The following GNAS variants were observed in gnomAD, a reference collection of about 807,000 sequenced individuals.
GNAS encodes the protein protein ALEX.
A neutral mutation model predicts 54.5 loss-of-function variants in GNAS; 8 were observed. The ratio of observed to expected loss-of-function variants is 0.15; its 90% confidence interval spans 0.09 to 0.26. The LOEUF (loss-of-function observed/expected upper bound fraction) is 0.26, where lower values mean the gene tolerates loss of function less well. Among genes scored for constraint, GNAS ranks in the 10% least tolerant of loss-of-function variants. The pLI, the probability that GNAS is intolerant of heterozygous loss-of-function variation, is 1.00. For synonymous variants in GNAS, 204 were observed against 191.4 expected (o/e 1.07, Z -0.54); for missense variants, 170 against 529.8 (o/e 0.32, Z 6.67).
chr20:58,879,131 G>A (rs949986586), intron 1 of GNAS, among the ~76,000 whole-genome samples: 8 of 152,186 alleles, frequency 5.3e-5, no homozygotes, highest in East Asian at 3.9e-4. Flanking sequence ...TGATTGTAAC[G>A]TCGGAAGAAT....
chr20:58,870,982 G>A (rs917905899), intron 1 of GNAS, among the ~76,000 whole-genome samples: 1 of 152,204 alleles, frequency 6.6e-6, no homozygotes, highest in Admixed American at 6.5e-5. Flanking sequence ...TGTATGCATA[G>A]TTTTGAGAGG....
chr20:58,906,820 G>A (rs561811587), intron 6 of GNAS, among the ~76,000 whole-genome samples: 3 of 152,250 alleles, frequency 2.0e-5, no homozygotes, highest in East Asian at 1.9e-4. Context: ...ATGAGCCACC[G>A]TGCCCAGCCA....
At chr20:58,845,578 A>G (rs1052699967) in intron 1 of GNAS, among the ~76,000 whole-genome samples, 27 of 152,158 alleles carry the variant, frequency 1.8e-4, no homozygotes, top group African/African-American at 5.8e-4. Flanking sequence ...TAAGTGATGT[A>G]GCACCCATTT....
chr20:58,892,753 G>A (rs1368216363), intron 1 of GNAS, among the ~76,000 whole-genome samples: 1 of 151,712 alleles, frequency 6.6e-6, no homozygotes, highest in Non-Finnish European at 1.5e-5. Context: ...GATAGAGTTA[G>A]TACGAGAAGT....
At chr20:58,859,083 C>A (rs529227312) in intron 1 of GNAS, among the ~76,000 whole-genome samples, 2 of 152,198 alleles carry the variant, frequency 1.3e-5, no homozygotes, top group African/African-American at 4.8e-5. Context: ...TGGTTTTAAG[C>A]AAAAAGAATT....
intron 1 of GNAS, chr20:58,892,196 C>T (rs1172335762): frequency 2.0e-6 from 2 of 976,660 alleles, no homozygotes; most frequent in Non-Finnish European, 1.2e-6. Context: ...GCCTACACGA[C>T]GCCAGGGGTT....
chr20:58,868,549 CAAG>C (rs1463056128), intron 1 of GNAS, among the ~76,000 whole-genome samples: 1 of 151,692 alleles, frequency 6.6e-6, no homozygotes, highest in Non-Finnish European at 1.5e-5. Context: ...CTGCTCGCCA[CAAG>C]AAGGTGAGAG....
chr20:58,899,354 T>G, intron 3 of GNAS: 1 of 510,956 alleles, frequency 2.0e-6, no homozygotes, highest in Non-Finnish European at 3.7e-6. Flanking sequence ...AAATTCCATC[T>G]ACCCACTGGT....
In GNAS at chr20:58,891,500, G is replaced by C. The variant is rs936129591; in HGVS notation, c.-227G>C. On this transcript the variant is annotated 5_prime_UTR_variant, in exon 1 of 13. Coordinates refer to ENST00000371085, the MANE Select transcript of GNAS (RefSeq NM_000516.7). ...CCCCCTCGGCCTCGGCTCGAGGGGC[G>C]GGGAGCTGCGCGCGCCCCTCGGTCC... 2 of 970,904 alleles carry C rather than the reference G, an allele frequency of 2.1e-6. No homozygotes were observed. Among genetic ancestry groups the C allele is most frequent in the African/African-American group, 3.6e-5 (2 of 55,994 alleles). 60.1% of individuals were successfully genotyped at this position (970,904 alleles called of 1,614,324 possible). A position where few individuals can be genotyped will look rare whatever the true frequency, so the allele number is the denominator to read the frequency against.
chr20:58,879,660 G>A (rs890630032), intron 1 of GNAS, among the ~76,000 whole-genome samples: 23 of 152,172 alleles, frequency 1.5e-4, no homozygotes, highest in African/African-American at 4.8e-4. Context: ...CAAGGTGTGG[G>A]GGTCTCGCTT....
chr20:58,853,114 C>A lies in GNAS; in HGVS notation c.43+12228C>A, dbSNP rs536898938. On this transcript the variant is annotated intron_variant, in intron 1 of 12. Coordinates refer to the GNAS transcript ENST00000306090. This position sits in a 1 kb window ranked among gnomAD's most constrained non-coding sequence, Gnocchi z 4.4. ...AGGGTTCCTTCCAGGCCTTGAACCC[C>A]CCAACCTCACAAGGGTTGGAAAGTG... 1 of 1,426,140 alleles carries A rather than the reference C, an allele frequency of 7.0e-7. No homozygotes were observed. The highest frequency in any genetic ancestry group is 9.1e-7 in the Non-Finnish European group (1 of 1,095,960). 88.3% of individuals were successfully genotyped at this position (1,426,140 alleles called of 1,614,324 possible).
chr20:58,900,765 GA>G (rs772450869), intron 3 of GNAS, among the ~76,000 whole-genome samples: 22 of 152,166 alleles, frequency 1.4e-4, no homozygotes, highest in Non-Finnish European at 2.4e-4. Flanking sequence ...TAGTAAAAGT[GA>G]TGATAAACCC....
chr20:58,900,407 G>C (rs1201092078), intron 3 of GNAS: 7 of 208,214 alleles, frequency 3.4e-5, no homozygotes, highest in Non-Finnish European at 6.8e-5. Context: ...GCATGTTTCA[G>C]CAATCCCTGT....
chr20:58,845,934 CTG>C (rs2085925019), intron 1 of GNAS, among the ~76,000 whole-genome samples: 1 of 152,192 alleles, frequency 6.6e-6, no homozygotes, highest in Non-Finnish European at 1.5e-5. Flanking sequence ...TGGGCATAGC[CTG>C]TGTGTTTATT....
In GNAS at chr20:58,908,999, G is replaced by A; in HGVS notation, c.531-163G>A. The stretch of plus-strand genomic sequence containing the variant: ...AACCTTCTTAAGGCATCAGCTTTGA[G>A]TTACAAATGTAACCAACACACAAGC... On this transcript the variant is annotated intron_variant, in intron 6 of 12. Transcript: ENST00000371085. 4 of 762,932 alleles carry A rather than the reference G, an allele frequency of 5.2e-6. No individual in the cohort carries two copies. In the South Asian group the frequency reaches 5.4e-5, roughly 10 times the overall value. The allele number at this position is 762,932 out of a possible 1,614,324, so 47.3% of individuals were successfully genotyped here. A position where few individuals can be genotyped will look rare whatever the true frequency, so the allele number is the denominator to read the frequency against.
chr20:58,861,362 A>C (rs1431520127), intron 1 of GNAS, among the ~76,000 whole-genome samples: 1 of 152,200 alleles, frequency 6.6e-6, no homozygotes, highest in Non-Finnish European at 1.5e-5. Flanking sequence ...GGGAACTAAA[A>C]GCACTGGGCA....
chr20:58,854,719 C>A, intron 1 of GNAS: 4 of 1,534,218 alleles, frequency 2.6e-6, no homozygotes, highest in Non-Finnish European at 3.5e-6. Context: ...ACCCGGGCAG[C>A]CCATGTCGCC....
At chr20:58,891,167 C>A (rs2089219359), upstream of GNAS, 1 of 149,286 alleles carries the variant, frequency 6.7e-6, no homozygotes, top group South Asian at 1.8e-4. Context: ...CCGTCCCCGG[C>A]CGGGCGCGGG....
chr20:58,902,725 CTTTTTTTTTT>C (rs60022134), intron 3 of GNAS, among the ~76,000 whole-genome samples: 25 of 69,510 alleles, frequency 3.6e-4, no homozygotes, highest in African/African-American at 8.0e-4. Context: ...GCACATACGA[CTTTTTTTTTT>C]TTTTTTTTTT....
Sources: gnomAD v4.1 joint callset for allele counts (sites outside exome capture counted in the v4.1 genomes callset) on GRCh38, gnomAD v4.1.1 for gene constraint, Gnocchi (gnomAD v3.1) non-coding constraint, MANE v1.5 for transcripts, NCBI Gene and HGNC (gene_info 2026-07-23, HGNC 2026-07-21) for gene names.